The following GPHN variants were observed in gnomAD, a reference collection of about 807,000 sequenced individuals.
The protein encoded by GPHN is gephyrin.
Under a neutral mutation model 95.5 loss-of-function variants are expected in GPHN, and 17 were observed. The ratio of observed to expected loss-of-function variants is 0.18; its 90% CI spans 0.12 to 0.27. GPHN has a LOEUF of 0.27. Among genes scored for constraint, GPHN ranks in the 10% least tolerant of loss-of-function variants. GPHN has a pLI of 1.00. For missense variants in GPHN, 660 were observed against 978.1 expected (o/e 0.67, Z 4.34); for synonymous variants, 320 against 322.5 (o/e 0.99, Z 0.08).
intron 21 of GPHN, among the ~76,000 whole-genome samples, chr14:67,169,590 C>G (rs776652983): frequency 1.1e-4 from 16 of 152,204 alleles, no homozygotes; most frequent in Non-Finnish European, 2.2e-4. Context: ...GTCTCCTTCT[C>G]CACCAACACT....
At chr14:67,474,477 A>G in the GPHN span, among the ~76,000 whole-genome samples, 12 of 152,040 alleles carry the variant, frequency 7.9e-5, no homozygotes, top group East Asian at 2.3e-3. Flanking sequence ...TCCACTGGGG[A>G]CCCCATTTCT....
intron 10 of GPHN, among the ~76,000 whole-genome samples, chr14:67,024,596 C>G (rs571463455): frequency 1.3e-5 from 2 of 152,318 alleles, no homozygotes; most frequent in South Asian, 4.1e-4. Flanking sequence ...TTAACATCAG[C>G]AAAGGCAAAA....
the GPHN span, chr14:67,561,883 AAAAG>A: frequency 8.3e-7 from 1 of 1,204,602 alleles, no homozygotes; most frequent in South Asian, 1.4e-5. Context: ...AAAAAAAAAA[AAAAG>A]AATTGAAAAA....
At chr14:67,484,596 TA>T in the GPHN span, among the ~76,000 whole-genome samples, 1 of 152,188 alleles carries the variant, frequency 6.6e-6, no homozygotes, top group Admixed American at 6.5e-5. Context: ...GATTCAATTT[TA>T]TTTTTTAAAA....
At chr14:67,275,100 A>G in the GPHN span, among the ~76,000 whole-genome samples, 1 of 152,194 alleles carries the variant, frequency 6.6e-6, no homozygotes, top group Admixed American at 6.5e-5. Flanking sequence ...TCCTAATTGA[A>G]TACCCTTTAT....
At chr14:67,195,822 C>T in the GPHN span, among the ~76,000 whole-genome samples, 1 of 151,592 alleles carries the variant, frequency 6.6e-6, no homozygotes, top group Admixed American at 6.6e-5. Context: ...CAGCTCACTG[C>T]CATCTCCGCC....
At chr14:67,189,313 G>A in the GPHN span, 2 of 152,178 alleles carry the variant, frequency 1.3e-5, no homozygotes, top group African/African-American at 2.4e-5. Context: ...AGACCTGCAC[G>A]GCTGCTCCTC....
intron 10 of GPHN, among the ~76,000 whole-genome samples, chr14:67,027,153 ATTGTC>A (rs1567228015): frequency 6.6e-6 from 1 of 152,148 alleles, no homozygotes; most frequent in Non-Finnish European, 1.5e-5. Flanking sequence ...ATATGACACT[ATTGTC>A]TTCTGTCATC....
chr14:66,589,584 G>A (rs537305043), intron 1 of GPHN, among the ~76,000 whole-genome samples: 1 of 151,502 alleles, frequency 6.6e-6, no homozygotes, highest in East Asian at 1.9e-4. Context: ...ACAAAGAAGG[G>A]CTTTACCATT....
intron 5 of GPHN, 91 bp downstream of exon 5, chr14:66,880,124 A>C: frequency 1.3e-6 from 1 of 795,844 alleles, no homozygotes; most frequent in East Asian, 2.6e-5. Context: ...ATTGTTGTGA[A>C]TATTAAATGA....
the GPHN span, among the ~76,000 whole-genome samples, chr14:67,687,633 G>C: frequency 3.5e-4 from 53 of 151,752 alleles, no homozygotes; most frequent in Non-Finnish European, 5.9e-4. Context: ...CAACATGCCC[G>C]GCTAATTTTG....
chr14:67,646,535 CCT>C, the GPHN span: 2 of 827,062 alleles, frequency 2.4e-6, no homozygotes, highest in Non-Finnish European at 4.0e-6. Flanking sequence ...CTAAACTTAC[CCT>C]GTGGGTGGCA....
chr14:67,257,873 G>T, the GPHN span, among the ~76,000 whole-genome samples: 1 of 151,954 alleles, frequency 6.6e-6, no homozygotes, highest in Non-Finnish European at 1.5e-5. Flanking sequence ...ACAACTATAC[G>T]TACAACACAT....
chr14:67,724,125 A>G, the GPHN span, among the ~76,000 whole-genome samples: 1 of 152,236 alleles, frequency 6.6e-6, no homozygotes, highest in Non-Finnish European at 1.5e-5. Context: ...AATGTAGGTT[A>G]GAGGGGAAAG....
intron 2 of GPHN, among the ~76,000 whole-genome samples, chr14:66,755,536 C>T (rs2058526364): frequency 6.6e-6 from 1 of 152,050 alleles, no homozygotes; most frequent in Admixed American, 6.5e-5. Context: ...CTCTGTAGAG[C>T]TATTTAACTA....
the GPHN span, among the ~76,000 whole-genome samples, chr14:67,215,367 G>C: frequency 6.6e-6 from 1 of 150,882 alleles, no homozygotes; most frequent in African/African-American, 2.4e-5. Flanking sequence ...GGGCACAGAA[G>C]TCACTGAAAT....
chr14:67,449,065 G>A, the GPHN span, among the ~76,000 whole-genome samples: 1 of 152,118 alleles, frequency 6.6e-6, no homozygotes, highest in Non-Finnish European at 1.5e-5. Flanking sequence ...AACCAGGAAG[G>A]GCCCAGACCC....
chr14:66,782,274 A>C (rs1414410040), intron 3 of GPHN, among the ~76,000 whole-genome samples: 1 of 152,016 alleles, frequency 6.6e-6, no homozygotes, highest in Non-Finnish European at 1.5e-5. Context: ...CCATTAATCT[A>C]TTTATTCTTT....
the GPHN span, among the ~76,000 whole-genome samples, chr14:67,267,379 C>T: frequency 1.3e-5 from 2 of 152,070 alleles, no homozygotes; most frequent in Non-Finnish European, 2.9e-5. Flanking sequence ...CTGCCTCCCC[C>T]TCCCAAGTAG....
Sources: gnomAD v4.1 joint callset for allele counts (sites outside exome capture counted in the v4.1 genomes callset) on GRCh38, gnomAD v4.1.1 for gene constraint, MANE v1.5 for transcripts, NCBI Gene and HGNC (gene_info 2026-07-23, HGNC 2026-07-21) for gene names.